Variants in COLQ observed in about 807,000 individuals in gnomAD.
COLQ encodes the protein collagen like tail subunit of asymmetric acetylcholinesterase.
Under a neutral mutation model 69.0 loss-of-function variants are expected in COLQ, and 48 were observed. The ratio of observed to expected loss-of-function variants is 0.70; its 90% confidence interval spans 0.55 to 0.88. The LOEUF is 0.88. Ranked by LOEUF, COLQ falls within the 40% of genes least tolerant of loss-of-function variation. COLQ has a pLI of 0.00. For missense variants in COLQ, 618 were observed against 594.6 expected, an observed-to-expected ratio of 1.04 and a Z score of -0.41; for synonymous variants, 217 against 211.2, an observed-to-expected ratio of 1.03 and a Z score of -0.24.
intron 4 of COLQ, 123 bp from the exon 5 acceptor site, chr3:15,479,126 G>C (rs1455136896): frequency 1.5e-6 from 2 of 1,293,882 alleles, no homozygotes; most frequent in Non-Finnish European, 2.2e-6. Context: ...TGCTGCTCAC[G>C]GCCCCTCTGC....
At chr3:15,470,365 A>G (rs2062260324) in intron 11 of COLQ, among the ~76,000 whole-genome samples, 171 bp downstream of exon 11, 1 of 152,056 alleles carries the variant, frequency 6.6e-6, no homozygotes, top group South Asian at 2.1e-4. Flanking sequence ...CGGCTAGCCT[A>G]GAGATGCCAG....
rs2062513442 is a variant in COLQ, at chr3:15,482,898, G to C, written c.322-3516C>G. ...TGCCTCAATTTCAGAGCCTGTTATTGGTCAATTCAGGGATTCAGCTTCTTC... is the reference window on the plus strand; with the variant it reads ...TGCCTCAATTTCAGAGCCTGTTATTCGTCAATTCAGGGATTCAGCTTCTTC... On this transcript the variant is annotated intron_variant, in intron 3 of 16. Coordinates refer to ENST00000383788, the MANE Select transcript of COLQ (RefSeq NM_005677.4). 2.0e-5 allele frequency among the ~76,000 whole-genome samples: 3 copies of C among 152,234 alleles called. No individual in the cohort carries two copies. In the South Asian group the frequency reaches 6.2e-4, roughly 32 times the overall value.
chr3:15,495,249 G>A (rs373674350), intron 1 of COLQ, among the ~76,000 whole-genome samples: 42 of 152,310 alleles, frequency 2.8e-4, no homozygotes, highest in East Asian at 2.5e-3. Context: ...AACACACACC[G>A]GAAGGAACCG....
intron 1 of COLQ, among the ~76,000 whole-genome samples, chr3:15,492,818 C>T (rs1036700909): frequency 2.0e-5 from 3 of 152,174 alleles, no homozygotes; most frequent in East Asian, 1.9e-4. Flanking sequence ...ACTCCTGACC[C>T]GGCTCAACAG....
Position 15,488,257 on chromosome 3 carries a change from C to CT in COLQ, c.269dup (p.Ser91ValfsTer43). On this transcript the variant is annotated frameshift_variant, in exon 3 of 17. Transcript: ENST00000383788. LOFTEE classifies it high-confidence loss of function. The stretch of plus-strand genomic sequence containing the variant: ...CTAGCGAGCCTTGCATGCACGGGGA[C>CT]TGCGAGGTCTCCAGTTCCAGCATGA... 1 of 1,613,652 alleles carries CT rather than the reference C, an allele frequency of 6.2e-7. No homozygotes were observed. Among genetic ancestry groups the CT allele is most frequent in the Non-Finnish European group, 8.5e-7 (1 of 1,180,024 alleles).
In COLQ at chr3:15,453,841, G is replaced by A; in HGVS notation, c.1286C>T (p.Thr429Ile). The A allele has an allele frequency of 6.2e-7, 1 of 1,609,818 alleles. No homozygotes were observed. Among genetic ancestry groups the A allele is most frequent in the South Asian group, 1.1e-5 (1 of 90,282 alleles). The change falls in exon 16 of 17, where the codon ACC becomes ATC. Residue 429 changes from threonine to isoleucine, a missense_variant. Transcript: ENST00000383788. ...GSDFGYLTCE[T>I]YLPGSYGDLQ... ...GAGTCATCCCTACCCAGGGAGATAG[G>A]TCTCGCATGTCAGGTAGCCAAAGTC...
intron 3 of COLQ, among the ~76,000 whole-genome samples, chr3:15,481,247 C>T (rs954269833): frequency 9.2e-5 from 14 of 152,198 alleles, no homozygotes; most frequent in African/African-American, 3.1e-4. Flanking sequence ...GCTGCCATTG[C>T]TTTTGGTGTT....
At chr3:15,494,512 G>A (rs539765369) in intron 1 of COLQ, among the ~76,000 whole-genome samples, 1 of 152,302 alleles carries the variant, frequency 6.6e-6, no homozygotes, top group East Asian at 1.9e-4. Context: ...CTCTTTGCCA[G>A]GCACTGGGCC....
chr3:15,471,246 C>A (rs976113285), intron 10 of COLQ, among the ~76,000 whole-genome samples: 1 of 152,122 alleles, frequency 6.6e-6, no homozygotes, highest in Non-Finnish European at 1.5e-5. Flanking sequence ...AACATATGTT[C>A]ACATCTTCAA....
At chr3:15,492,660 C>G (rs2062688370) in intron 1 of COLQ, among the ~76,000 whole-genome samples, 1 of 131,718 alleles carries the variant, frequency 7.6e-6, no homozygotes, top group African/African-American at 3.3e-5. Flanking sequence ...GAGCGAGACT[C>G]CGTCTCAAAA....
At chr3:15,486,154 G>A (rs2062570057) in intron 3 of COLQ, among the ~76,000 whole-genome samples, 1 of 152,122 alleles carries the variant, frequency 6.6e-6, no homozygotes, top group Non-Finnish European at 1.5e-5. Flanking sequence ...ATTCTTCCAA[G>A]CCTTAGTTCT....
intron 1 of COLQ, among the ~76,000 whole-genome samples, chr3:15,499,497 C>G (rs562083124): frequency 6.6e-6 from 1 of 152,158 alleles, no homozygotes; most frequent in African/African-American, 2.4e-5. Context: ...TTGTACAGGA[C>G]AGCAGCCATA....
At chr3:15,514,524 T>G (rs377166161) in intron 1 of COLQ, among the ~76,000 whole-genome samples, 5 of 152,190 alleles carry the variant, frequency 3.3e-5, no homozygotes, top group Admixed American at 2.6e-4. Flanking sequence ...CTGATCTAAT[T>G]CGTCTGCTCA....
chr3:15,459,110 C>T (rs1241161003), intron 12 of COLQ, among the ~76,000 whole-genome samples: 1 of 152,160 alleles, frequency 6.6e-6, no homozygotes, highest in Non-Finnish European at 1.5e-5. Context: ...TCCCAAAGTG[C>T]TGGGATTACA....
At chr3:15,479,512 C>A in intron 3 of COLQ, 130 bp from the exon 4 acceptor site, 1 of 883,310 alleles carries the variant, frequency 1.1e-6, no homozygotes. Flanking sequence ...CTCCAGGGAC[C>A]CATGGAGGCT....
At chr3:15,453,104 C>G (rs1280856032) in intron 16 of COLQ, among the ~76,000 whole-genome samples, 1 of 152,228 alleles carries the variant, frequency 6.6e-6, no homozygotes, top group African/African-American at 2.4e-5. Context: ...TCTGTAAGGA[C>G]TGGGGAGACA....
rs933819370 is a variant in COLQ, at chr3:15,496,941, G to A, written c.107-7304C>T. Among the ~76,000 whole-genome samples the A allele has an allele frequency of 2.6e-5, 4 of 151,890 alleles. No homozygotes were observed. In the East Asian group the frequency reaches 7.7e-4, roughly 29 times the overall value. ...GTTAAGTCTAGGTGCAAGTGGCCAT[G>A]TGAGCCAGTACAACTCACTTACTCA... On this transcript the variant is annotated intron_variant, in intron 1 of 16. Transcript: ENST00000383788.
intron 3 of COLQ, among the ~76,000 whole-genome samples, chr3:15,480,142 C>A (rs950708512): frequency 2.0e-5 from 3 of 152,206 alleles, no homozygotes; most frequent in African/African-American, 7.2e-5. Flanking sequence ...CCAGGATCTG[C>A]AGGTGAACAT....
At chr3:15,494,013 G>A (rs143839601) in intron 1 of COLQ, among the ~76,000 whole-genome samples, 2 of 152,338 alleles carry the variant, frequency 1.3e-5, no homozygotes, top group East Asian at 3.9e-4. Context: ...AACTTGGGAG[G>A]CAGAGGTTTC....
Sources: gnomAD v4.1 joint callset for allele counts (sites outside exome capture counted in the v4.1 genomes callset) on GRCh38, gnomAD v4.1.1 for gene constraint, MANE v1.5 for transcripts, NCBI Gene and HGNC (gene_info 2026-07-23, HGNC 2026-07-21) for gene names.